The following ZMYM4 variants were observed in gnomAD, a reference collection of about 807,000 sequenced individuals.
ZMYM4 encodes the protein zinc finger MYM-type containing 4, also known as zinc finger MYM-type protein 4.
ZMYM4 carries 31 observed loss-of-function variants against 183.2 expected under a neutral mutation model. The ratio of observed to expected loss-of-function variants is 0.17; its 90% CI spans 0.13 to 0.23. The LOEUF is 0.23. ZMYM4 is among the 10% of genes least tolerant of loss of function. The probability of loss-of-function intolerance (pLI) is 1.00; values close to 1 mark genes in which losing one functional copy is unlikely to be tolerated. For synonymous variants in ZMYM4, 592 were observed against 631.2 expected (o/e 0.94, Z 0.93); for missense variants, 1,273 against 1,840.3 (o/e 0.69, Z 5.64).
At chr1:35,281,080 C>T (rs1032513225) in intron 1 of ZMYM4, among the ~76,000 whole-genome samples, 5 of 152,078 alleles carry the variant, frequency 3.3e-5, no homozygotes, top group Non-Finnish European at 5.9e-5. Flanking sequence ...GTCAGGAGAT[C>T]GAGACCATCC....
chr1:35,402,703 C>T (rs1263012740), intron 23 of ZMYM4, among the ~76,000 whole-genome samples: 2 of 151,974 alleles, frequency 1.3e-5, no homozygotes, highest in Admixed American at 1.3e-4. Context: ...TGATATTTAT[C>T]TTAGAAATAA....
At chr1:35,349,971 T>G (rs2148881368) in intron 2 of ZMYM4, among the ~76,000 whole-genome samples, 1 of 151,328 alleles carries the variant, frequency 6.6e-6, no homozygotes, top group African/African-American at 2.4e-5. Flanking sequence ...TTTTTATATA[T>G]ATATATTTTA....
intron 23 of ZMYM4, among the ~76,000 whole-genome samples, chr1:35,403,077 G>C (rs913928205): frequency 4.6e-5 from 7 of 152,196 alleles, no homozygotes; most frequent in Admixed American, 2.0e-4. Context: ...TTTAAATCAT[G>C]ATTGGGTATT....
chr1:35,349,465 G>A (rs768847154), intron 2 of ZMYM4, among the ~76,000 whole-genome samples: 7 of 152,112 alleles, frequency 4.6e-5, no homozygotes, highest in Non-Finnish European at 1.0e-4. Flanking sequence ...ATCTTATAAA[G>A]GGGTTTTTAT....
chr1:35,352,418 A>AC (rs1289566033), intron 2 of ZMYM4, among the ~76,000 whole-genome samples: 1 of 151,916 alleles, frequency 6.6e-6, no homozygotes, highest in East Asian at 1.9e-4. Context: ...ACACACACAC[A>AC]CACACAGCCA....
chr1:35,368,800 G>C (rs1018003149), intron 5 of ZMYM4, among the ~76,000 whole-genome samples: 20 of 152,144 alleles, frequency 1.3e-4, no homozygotes, highest in African/African-American at 4.6e-4. Flanking sequence ...GACCAACATT[G>C]TGTTGTGGTT....
chr1:35,392,567 T>C (rs1644730063), intron 16 of ZMYM4, 80 bp from the exon 17 acceptor site: 4 of 1,380,316 alleles, frequency 2.9e-6, no homozygotes. Context: ...GGTTTGTGTT[T>C]ATGTACTGAT....
intron 2 of ZMYM4, among the ~76,000 whole-genome samples, chr1:35,336,068 G>C (rs1389338997): frequency 6.6e-6 from 1 of 152,166 alleles, no homozygotes; most frequent in African/African-American, 2.4e-5. Flanking sequence ...GTGAAACTCT[G>C]TACCCATTGA....
At chr1:35,382,304 ATTTG>A (rs1194011673) in intron 9 of ZMYM4, among the ~76,000 whole-genome samples, 9 of 151,324 alleles carry the variant, frequency 5.9e-5, no homozygotes, top group African/African-American at 1.7e-4. Context: ...AGAGTTTACT[ATTTG>A]TTTTAACTGG....
chr1:35,393,567 T>C (rs886611675), intron 17 of ZMYM4, 28 bp from the exon 18 acceptor site: 1 of 1,553,596 alleles, frequency 6.4e-7, no homozygotes. Context: ...TAAAAATGTT[T>C]TTGGTTTCTA....
rs1376478051 is a variant in ZMYM4 at position 35,392,677 on chromosome 1, T to C, written c.2759T>C (p.Ile920Thr). ...GTTCCAACAGTAACAGCGAAAATCA[T>C]CGGTGATGTAAGTTTTATTACTTTT... ...GAVPTVTAKIIGDASTQTDAL... is the reference protein window; with the variant it reads ...GAVPTVTAKITGDASTQTDAL... The change falls in exon 17 of 30, where the codon ATC becomes ACC. Residue 920 changes from isoleucine (I) to threonine (T), a missense_variant. By Grantham distance (89) the Ile-to-Thr change is moderately conservative (BLOSUM62 -1). Transcript: ENST00000314607. 1 of 1,597,654 alleles carries C rather than the reference T, an allele frequency of 6.3e-7. No individual in the cohort carries two copies. The highest frequency in any genetic ancestry group is 1.1e-5 in the South Asian group (1 of 86,982).
intron 1 of ZMYM4, among the ~76,000 whole-genome samples, chr1:35,285,475 A>G (rs1640434778): frequency 1.3e-5 from 2 of 152,172 alleles, no homozygotes; most frequent in South Asian, 4.1e-4. Flanking sequence ...AACTCACTAC[A>G]GTCTGTCCTT....
Position 35,325,217 on chromosome 1 carries a change from A to G in ZMYM4, c.40-143A>G, listed in dbSNP as rs573258641. Reference sequence around the variant, plus strand: ...TTCATCCTAAATTTTATTTTACTCTATTTGGCAATGTTTTTGTTTATATTG... The same window carrying G: ...TTCATCCTAAATTTTATTTTACTCTGTTTGGCAATGTTTTTGTTTATATTG... On this transcript the variant is annotated intron_variant, in intron 1 of 29. Coordinates refer to ENST00000314607, the MANE Select transcript of ZMYM4 (RefSeq NM_005095.3). 18 of 662,766 alleles carry G rather than the reference A, an allele frequency of 2.7e-5. No homozygotes were observed. The East Asian group carries it at 4.8e-4, about 18-fold the overall frequency. The allele number at this position is 662,766 out of a possible 1,614,324, so 41.1% of individuals were successfully genotyped here.
In ZMYM4 at chr1:35,350,818, T is replaced by C. The variant is rs1417630344; in HGVS notation, c.86-8107T>C. On this transcript the variant is annotated intron_variant, in intron 2 of 29. Transcript: ENST00000314607. ...AGAGGGTAAAACTGATTACTATGCT[T>C]GGAAACGCTTAGTGATACAGGATAA... The C allele has an allele frequency of 5.8e-6, 3 of 517,116 alleles. 1 individual carries two copies. The East Asian group carries it at 1.1e-4, about 19-fold the overall frequency. 32.0% of individuals were successfully genotyped at this position (517,116 alleles called of 1,614,324 possible).
intron 2 of ZMYM4, among the ~76,000 whole-genome samples, chr1:35,336,779 C>G (rs936773002): frequency 6.6e-6 from 1 of 152,082 alleles, no homozygotes; most frequent in Non-Finnish European, 1.5e-5. Context: ...CTCTGTGTCC[C>G]CACCCAAATC....
intron 28 of ZMYM4, among the ~76,000 whole-genome samples, chr1:35,416,391 G>A (rs1640113909): frequency 6.6e-6 from 1 of 152,128 alleles, no homozygotes; most frequent in Non-Finnish European, 1.5e-5. Flanking sequence ...TTTTTTGAAT[G>A]TGAGAATTTA....
At chr1:35,318,752 C>G (rs542975653) in intron 1 of ZMYM4, among the ~76,000 whole-genome samples, 5 of 152,228 alleles carry the variant, frequency 3.3e-5, no homozygotes, top group African/African-American at 7.2e-5. Flanking sequence ...ACCACTGTGC[C>G]CAGCCATACT....
intron 2 of ZMYM4, among the ~76,000 whole-genome samples, chr1:35,338,321 A>G (rs1202689275): frequency 6.6e-6 from 1 of 152,190 alleles, no homozygotes; most frequent in Non-Finnish European, 1.5e-5. Context: ...CCACTTATGC[A>G]TGGATTTTGG....
chr1:35,395,925 C>T (rs1477625649), intron 18 of ZMYM4, among the ~76,000 whole-genome samples: 1 of 152,150 alleles, frequency 6.6e-6, no homozygotes. Context: ...CATCTTGCTA[C>T]TTTCTCCAAG....
Sources: gnomAD v4.1 joint callset for allele counts (sites outside exome capture counted in the v4.1 genomes callset) on GRCh38, gnomAD v4.1.1 for gene constraint, MANE v1.5 for transcripts, NCBI Gene and HGNC (gene_info 2026-07-23, HGNC 2026-07-21) for gene names.